Variants in OSM observed in about 807,000 individuals in gnomAD.
OSM encodes oncostatin M.
In OSM, 1 loss-of-function variant was observed where a neutral mutation model predicts 6.3. The ratio of observed to expected loss-of-function variants is 0.16; its 90% CI spans 0.06 to 0.76. The LOEUF (loss-of-function observed/expected upper bound fraction) is 0.76. Ranked by LOEUF, OSM falls within the 30% of genes least tolerant of loss-of-function variation. OSM has a pLI of 0.77. For synonymous variants in OSM, 135 were observed against 143.4 expected (o/e 0.94, Z 0.42); for missense variants, 324 against 336.9 (o/e 0.96, Z 0.30).
Position 30,263,642 on chromosome 22 carries a change from C to T in OSM, c.*241G>A, listed in dbSNP as rs200291582. 42 of 411,786 alleles carry T rather than the reference C, an allele frequency of 1.0e-4. No homozygotes were observed. The highest frequency in any genetic ancestry group is 6.0e-4 in the Middle Eastern group (1 of 1,654). 25.5% of individuals were successfully genotyped at this position (411,786 alleles called of 1,614,324 possible). On this transcript the variant is annotated 3_prime_UTR_variant, in exon 3 of 3. Transcript: ENST00000215781. ...GAAAGTCGGTCCCGCGTGGCCCGCC[C>T]GGCCACCCCACTGGGCCTGGGGAAC...
chr22:30,264,427 T>C lies in OSM; in HGVS notation c.215A>G (p.Glu72Gly), dbSNP rs200787336. The change falls in exon 3 of 3, where the codon GAG becomes GGG. Residue 72 changes from glutamate (E) to glycine (G), a missense_variant. Glu to Gly is a moderately conservative substitution (Grantham distance 98, BLOSUM62 -2). Coordinates refer to ENST00000215781, the MANE Select transcript of OSM (RefSeq NM_020530.6). ...GGCCCCGGGGCGCTCCCTGCAGTGCTCTCTCAGTTTAGGAACATCCAGGCC... is the reference window on the plus strand; with the variant it reads ...GGCCCCGGGGCGCTCCCTGCAGTGCCCTCTCAGTTTAGGAACATCCAGGCC... ...IQGLDVPKLR[E>G]HCRERPGAFP... The C allele has an allele frequency of 1.2e-5, 20 of 1,611,504 alleles. 2 individuals are homozygous for C. In the South Asian group the frequency reaches 2.2e-4, roughly 18 times the overall value.
At chr22:30,265,682 G>C (rs1929372757) in intron 1 of OSM, 1 of 155,840 alleles carries the variant, frequency 6.4e-6, no homozygotes, top group African/African-American at 2.4e-5. Flanking sequence ...TCAACCAGAG[G>C]TGCAGCCTGG....
Position 30,266,807 on chromosome 22 carries a change from G to A in OSM, c.-8C>T, listed in dbSNP as rs1929403417. 6.2e-7 allele frequency: 1 copy of A among 1,611,584 alleles called. No homozygotes were observed. Among genetic ancestry groups the A allele is most frequent in the South Asian group, 1.1e-5 (1 of 90,960 alleles). ...TGTGAGCAGTACCCCCATGCTGGGT[G>A]CCCGTGCTCCGGCCCGCGCCCGCTG... is the stretch of plus-strand genomic sequence containing the variant. On this transcript the variant is annotated 5_prime_UTR_variant, in exon 1 of 3. Transcript: ENST00000215781. The surrounding 1 kb of genome is among the most constrained non-coding windows in gnomAD (Gnocchi z 5.0).
intron 1 of OSM, chr22:30,265,494 G>T: frequency 1.2e-6 from 1 of 836,202 alleles, no homozygotes; most frequent in Non-Finnish European, 1.5e-6. Flanking sequence ...CTGACTCTCT[G>T]CAAGGTGGGA....
In OSM at chr22:30,263,945, G is replaced by T. The variant is rs200614375; in HGVS notation, c.697C>A (p.Arg233Ser). 24 of 1,521,698 alleles carry T rather than the reference G, an allele frequency of 1.6e-5. No homozygotes were observed. The East Asian group carries it at 4.8e-4, about 30-fold the overall frequency. 94.3% of individuals were successfully genotyped at this position (1,521,698 alleles called of 1,614,324 possible). Residue 233 changes from arginine to serine, a missense_variant, in exon 3 of 3, where the codon CGC (arginine) becomes AGC (serine). Transcript: ENST00000215781. ...SPHQALRKGV[R>S]RTRPSRKGKR... Reference sequence around the variant, plus strand: ...CCTTTCCTGGAGGGTCTGGTCCTGCGCACCCCCTTCCTCAGGGCCTGGTGG... The same window carrying T: ...CCTTTCCTGGAGGGTCTGGTCCTGCTCACCCCCTTCCTCAGGGCCTGGTGG...
chr22:30,265,761 G>T (rs1929374889), intron 1 of OSM: 1 of 153,400 alleles, frequency 6.5e-6, no homozygotes, highest in Admixed American at 6.5e-5. Context: ...CTCAGGAGAA[G>T]GTCCTACTCA....
In OSM at chr22:30,264,093, A is replaced by C; in HGVS notation, c.549T>G (p.Asp183Glu). Residue 183 changes from aspartate (D) to glutamate (E), a missense_variant, in exon 3 of 3, where the codon GAT becomes GAG. Coordinates refer to ENST00000215781, the MANE Select transcript of OSM (RefSeq NM_020530.6). ...SQPPTPTPAS[D>E]AFQRKLEGCR... ...AGCCCTCCAGCTTGCGCTGAAAAGC[A>C]TCCGAGGCAGGGGTGGGGGTGGGCG... 1 of 1,608,354 alleles carries C rather than the reference A, an allele frequency of 6.2e-7. No homozygotes were observed. Among genetic ancestry groups the C allele is most frequent in the Non-Finnish European group, 8.5e-7 (1 of 1,176,052 alleles).
chr22:30,264,007 C>A lies in OSM; in HGVS notation c.635G>T (p.Trp212Leu), dbSNP rs115760188. The A allele has an allele frequency of 3.4e-4, 535 of 1,559,540 alleles. 2 individuals carry two copies. In the East Asian group the frequency reaches 6.3e-3, roughly 18 times the overall value. The change falls in exon 3 of 3, where the codon TGG becomes TTG. Residue 212 changes from tryptophan to leucine, a missense_variant. Transcript: ENST00000215781. ...CCGGCTCCGGTTCGGGCTCTCCCCC[C>A]ACTTGCTGAAGACCCGCCCCACTGA... ...MHSVGRVFSK[W>L]GESPNRSRRH... is the part of the protein sequence containing the mutation.
In OSM at chr22:30,264,342, A is replaced by T; in HGVS notation, c.300T>A (p.Asn100Lys). The stretch of plus-strand genomic sequence containing the variant: ...TGTGCAGGACGCAGCCCAGTGTGGC[A>T]TTGAGGGTCTGCAGGAAGCCCCGCC... ...LGRRGFLQTL[N>K]ATLGCVLHRL... The change falls in exon 3 of 3, where the codon AAT (asparagine) becomes AAA (lysine). Residue 100 changes from asparagine to lysine, a missense_variant. Asn to Lys is a moderately conservative substitution (Grantham distance 94). Transcript: ENST00000215781. The T allele has an allele frequency of 1.2e-6, 2 of 1,613,900 alleles. No individual in the cohort carries two copies. The highest frequency in any genetic ancestry group is 1.7e-6 in the Non-Finnish European group (2 of 1,179,998).
rs114867272 is a variant in OSM, at chr22:30,265,516, C to A, written c.35-372G>T. On this transcript the variant is annotated intron_variant, in intron 1 of 2. Coordinates refer to ENST00000215781, the MANE Select transcript of OSM (RefSeq NM_020530.6). ...TCTGCAAGGTGGGACTGGCTCCCTG[C>A]AAGACCACTGGGCTAAAGACCGGCC... 1.4e-3 allele frequency: 838 copies of A among 591,148 alleles called. 4 individuals are homozygous for A. In the African/African-American group the frequency reaches 0.015, roughly 11 times the overall value. 36.6% of individuals were successfully genotyped at this position (591,148 alleles called of 1,614,324 possible). A position where few individuals can be genotyped will look rare whatever the true frequency, so the allele number is the denominator to read the frequency against.
Position 30,266,658 on chromosome 22 carries a change from C to A in OSM, c.34+108G>T. 4 of 1,255,502 alleles carry A rather than the reference C, an allele frequency of 3.2e-6. No individual in the cohort carries two copies. The highest frequency in any genetic ancestry group is 1.3e-5 in the South Asian group (1 of 79,590). The allele number at this position is 1,255,502 out of a possible 1,614,324, so 77.8% of individuals were successfully genotyped here. A position where few individuals can be genotyped will look rare whatever the true frequency, so the allele number is the denominator to read the frequency against. On this transcript the variant is annotated intron_variant, in intron 1 of 2. Transcript: ENST00000215781. The surrounding 1 kb of genome is among the most constrained non-coding windows in gnomAD (Gnocchi z 5.0). ...CCCTTCTCAGCATCCTTCTGCCTGG[C>A]GCCTGGCCTCCCCAGTTCCCGGAGG... is the stretch of plus-strand genomic sequence containing the variant.
chr22:30,266,814 C>G lies in OSM; in HGVS notation c.-15G>C. ...AGTACCCCCATGCTGGGTGCCCGTG[C>G]TCCGGCCCGCGCCCGCTGGGGGTGA... On this transcript the variant is annotated 5_prime_UTR_variant, in exon 1 of 3. Transcript: ENST00000215781. This position sits in a 1 kb window ranked among gnomAD's most constrained non-coding sequence, Gnocchi z 5.0. 6.2e-7 allele frequency: 1 copy of G among 1,610,942 alleles called. No homozygotes were observed. Among genetic ancestry groups the G allele is most frequent in the Middle Eastern group, 1.7e-4 (1 of 6,044 alleles).
At position 30,264,028 on chromosome 22, in the gene OSM, A is replaced by C; in HGVS notation, c.614T>G (p.Val205Gly). ...CCCCCACTTGCTGAAGACCCGCCCC[A>C]CTGAGTGCATGAAGCGATGGTAGCC... Reference protein sequence around the residue: ...LHGYHRFMHSVGRVFSKWGES... With the variant: ...LHGYHRFMHSGGRVFSKWGES... Residue 205 changes from valine to glycine, a missense_variant, in exon 3 of 3, where the codon GTG becomes GGG. Coordinates refer to ENST00000215781, the MANE Select transcript of OSM (RefSeq NM_020530.6). 4.5e-6 allele frequency: 7 copies of C among 1,570,802 alleles called. No homozygotes were observed. The highest frequency in any genetic ancestry group is 6.1e-6 in the Non-Finnish European group (7 of 1,155,832).
chr22:30,265,402 T>A (rs1357174715), intron 1 of OSM: 1 of 985,342 alleles, frequency 1.0e-6, no homozygotes, highest in East Asian at 1.1e-4. Context: ...TGGCTGCGAT[T>A]TACCAAGTAG....
chr22:30,264,980 C>T, intron 2 of OSM, 22 bp downstream of exon 2: 5 of 1,610,942 alleles, frequency 3.1e-6, no homozygotes, highest in Non-Finnish European at 4.2e-6. Context: ...GACTCAGATG[C>T]CACAAGGGCC....
rs202058324 is a variant in OSM, at chr22:30,264,987, G to A, written c.177+15C>T. ...TTCTCTGAGACTCAGATGCCACAAGGGCCCAGGTGCTTACATAGGGGTCCA... is the reference window on the plus strand; with the variant it reads ...TTCTCTGAGACTCAGATGCCACAAGAGCCCAGGTGCTTACATAGGGGTCCA... On this transcript the variant is annotated intron_variant, in intron 2 of 2. Coordinates refer to ENST00000215781, the MANE Select transcript of OSM (RefSeq NM_020530.6). 1 of 1,612,712 alleles carries A rather than the reference G, an allele frequency of 6.2e-7. No homozygotes were observed. Among genetic ancestry groups the A allele is most frequent in the African/African-American group, 1.3e-5 (1 of 75,008 alleles).
At chr22:30,265,205 G>C in intron 1 of OSM, 61 bp from the exon 2 acceptor site, 1 of 1,571,688 alleles carries the variant, frequency 6.4e-7, no homozygotes, top group Non-Finnish European at 8.7e-7. Context: ...TGGGAGCCTC[G>C]GGGAGGGGGT....
rs200578717 is a variant in OSM at position 30,266,734 on chromosome 22, C to A, written c.34+32G>T. ...GGCACCCGTGGGCAGACCCAGCAGG[C>A]GGGTTCTGGCGGGGAGGAAGGAAGT... On this transcript the variant is annotated intron_variant, in intron 1 of 2. Transcript: ENST00000215781. This position sits in a 1 kb window ranked among gnomAD's most constrained non-coding sequence, Gnocchi z 5.0. 1.9e-6 allele frequency: 3 copies of A among 1,612,110 alleles called. No homozygotes were observed. Among genetic ancestry groups the A allele is most frequent in the African/African-American group, 1.3e-5 (1 of 74,964 alleles).
rs200234507 is a variant in OSM at position 30,263,879 on chromosome 22, G to C, written c.*4C>G. ...TCCTTCACCGGCAAGGGGTGCTCTC[G>C]AGGCTACCGGGGCAGCTGTCCCCTG... On this transcript the variant is annotated 3_prime_UTR_variant, in exon 3 of 3. Transcript: ENST00000215781. 1.3e-6 allele frequency: 2 copies of C among 1,493,832 alleles called. No individual in the cohort carries two copies. Among genetic ancestry groups the C allele is most frequent in the Non-Finnish European group, 1.8e-6 (2 of 1,124,948 alleles). 92.5% of individuals were successfully genotyped at this position (1,493,832 alleles called of 1,614,324 possible). A position where few individuals can be genotyped will look rare whatever the true frequency, so the allele number is the denominator to read the frequency against.
Sources: gnomAD v4.1 joint callset for allele counts on GRCh38, gnomAD v4.1.1 for gene constraint, Gnocchi (gnomAD v3.1) non-coding constraint, MANE v1.5 for transcripts, NCBI Gene and HGNC (gene_info 2026-07-23, HGNC 2026-07-21) for gene names.